The following ASTN2 variants were observed in gnomAD, a reference collection of about 807,000 sequenced individuals.
ASTN2 encodes astrotactin 2.
Under a neutral mutation model 139.8 loss-of-function variants are expected in ASTN2, and 54 were observed. The observed-to-expected ratio is 0.39, with a 90% CI of 0.31 to 0.48. ASTN2 has a LOEUF of 0.48. Among genes scored for constraint, ASTN2 ranks in the 20% least tolerant of loss-of-function variants. ASTN2 has a pLI of 0.95. For synonymous variants in ASTN2, 756 were observed against 719.5 expected, an observed-to-expected ratio of 1.05 and a Z score of -0.81; for missense variants, 1,565 against 1,725.1, an observed-to-expected ratio of 0.91 and a Z score of 1.64.
chr9:116,939,516 G>T (rs985455903), intron 10 of ASTN2, among the ~76,000 whole-genome samples: 24 of 152,158 alleles, frequency 1.6e-4, no homozygotes, highest in African/African-American at 5.8e-4. Context: ...GTCTACCAAA[G>T]GGCTCATCAC....
chr9:117,252,616 T>C (rs1032840453), intron 2 of ASTN2, among the ~76,000 whole-genome samples: 1 of 152,238 alleles, frequency 6.6e-6, no homozygotes, highest in Non-Finnish European at 1.5e-5. Context: ...TAGAGTGTTT[T>C]ATATTTGCCA....
Position 116,698,682 on chromosome 9 carries a change from T to C in ASTN2, c.2806+27089A>G. Reference sequence around the variant, plus strand: ...TTCCTGGGCCATGGAGGCCACAGCGTCTGCTGCCTCTACCTCTGTTACTTT... The same window carrying C: ...TTCCTGGGCCATGGAGGCCACAGCGCCTGCTGCCTCTACCTCTGTTACTTT... On this transcript the variant is annotated intron_variant, in intron 16 of 22. Coordinates refer to ENST00000313400, the MANE Select transcript of ASTN2 (RefSeq NM_001365068.1). The surrounding 1 kb of genome is among the most constrained non-coding windows in gnomAD (Gnocchi z 4.4). 1.2e-6 allele frequency: 2 copies of C among 1,614,182 alleles called. No individual in the cohort carries two copies. Among genetic ancestry groups the C allele is most frequent in the African/African-American group, 1.3e-5 (1 of 75,066 alleles).
chr9:117,234,083 G>A (rs1832974633), intron 2 of ASTN2, among the ~76,000 whole-genome samples: 1 of 152,142 alleles, frequency 6.6e-6, no homozygotes, highest in African/African-American at 2.4e-5. Context: ...GGAGTGTGTT[G>A]TATCCAAAAG....
At chr9:117,308,708 C>A (rs180823994) in intron 1 of ASTN2, among the ~76,000 whole-genome samples, 1,754 of 151,614 alleles carry the variant, frequency 0.012, 30 homozygotes, top group African/African-American at 0.04. Flanking sequence ...ACAGGATTGG[C>A]AAGAGGAGGA....
At chr9:117,393,131 T>C (rs1429386701) in intron 1 of ASTN2, among the ~76,000 whole-genome samples, 1 of 152,190 alleles carries the variant, frequency 6.6e-6, no homozygotes, top group Non-Finnish European at 1.5e-5. Context: ...CAGCCAAGAA[T>C]CTCACTTCTA....
rs775466834 is a variant in ASTN2, at chr9:116,725,967, C to T, written c.2627-17G>A. On this transcript the variant is annotated splice_polypyrimidine_tract_variant and intron_variant, in intron 15 of 22. Transcript: ENST00000313400. ...TAGTGAAGCCTGGACAAGAGAGGAGCATGTGGAGGTGGTCAGATGTGAGAG... is the reference window on the plus strand; with the variant it reads ...TAGTGAAGCCTGGACAAGAGAGGAGTATGTGGAGGTGGTCAGATGTGAGAG... 1 of 1,601,648 alleles carries T rather than the reference C, an allele frequency of 6.2e-7. No homozygotes were observed. Among genetic ancestry groups the T allele is most frequent in the East Asian group, 2.2e-5 (1 of 44,776 alleles).
chr9:117,200,690 C>T (rs1180137148), intron 3 of ASTN2, among the ~76,000 whole-genome samples: 1 of 152,242 alleles, frequency 6.6e-6, no homozygotes, highest in Admixed American at 6.5e-5. Context: ...GTTGAACCAT[C>T]CTTGCATCTC....
At chr9:116,555,615 G>A (rs898559685) in intron 19 of ASTN2, among the ~76,000 whole-genome samples, 3 of 151,606 alleles carry the variant, frequency 2.0e-5, no homozygotes, top group Non-Finnish European at 1.5e-5. Context: ...ATTGGATAGT[G>A]CTCTGAAGTC....
intron 11 of ASTN2, among the ~76,000 whole-genome samples, chr9:116,839,323 T>G (rs1366337682): frequency 6.6e-6 from 1 of 152,130 alleles, no homozygotes; most frequent in Non-Finnish European, 1.5e-5. Context: ...AATTTTATTT[T>G]TATTTTTATT....
chr9:117,287,254 G>A (rs1265454346), intron 2 of ASTN2, among the ~76,000 whole-genome samples: 1 of 152,120 alleles, frequency 6.6e-6, no homozygotes, highest in Non-Finnish European at 1.5e-5. Flanking sequence ...AATGATGAAG[G>A]TAACTTGGCC....
intron 13 of ASTN2, among the ~76,000 whole-genome samples, chr9:116,789,359 G>A (rs923162358): frequency 2.0e-5 from 3 of 152,196 alleles, no homozygotes; most frequent in Non-Finnish European, 4.4e-5. Context: ...CTGTAGCTTT[G>A]ACTCCTGGCT....
intron 12 of ASTN2, among the ~76,000 whole-genome samples, chr9:116,819,687 T>G (rs541672001): frequency 1.2e-4 from 18 of 152,326 alleles, no homozygotes; most frequent in African/African-American, 3.6e-4. Flanking sequence ...ACTTCTTCCA[T>G]GAGTACAAGA....
chr9:116,725,643 G>T, intron 16 of ASTN2, 128 bp downstream of exon 16: 1 of 894,984 alleles, frequency 1.1e-6, no homozygotes, highest in Non-Finnish European at 1.7e-6. Flanking sequence ...GCAGGGACTT[G>T]CCCATGGTCA....
chr9:117,307,827 G>C (rs1835041206), intron 1 of ASTN2, among the ~76,000 whole-genome samples: 1 of 152,122 alleles, frequency 6.6e-6, no homozygotes, highest in Non-Finnish European at 1.5e-5. Context: ...AATATCTCTG[G>C]ATCTTTCTTC....
intron 1 of ASTN2, among the ~76,000 whole-genome samples, chr9:117,410,261 G>T (rs1468857050): frequency 6.6e-6 from 1 of 152,172 alleles, no homozygotes; most frequent in African/African-American, 2.4e-5. Context: ...GGGCATGAAA[G>T]CTAAATCCAC....
At chr9:116,689,847 T>C (rs1221581798) in intron 16 of ASTN2, among the ~76,000 whole-genome samples, 1 of 152,098 alleles carries the variant, frequency 6.6e-6, no homozygotes, top group Admixed American at 6.6e-5. Context: ...TGCAACGGAC[T>C]ATAGGGTGAG....
intron 22 of ASTN2, among the ~76,000 whole-genome samples, chr9:116,427,409 A>G (rs1847342745): frequency 6.6e-6 from 1 of 152,244 alleles, no homozygotes; most frequent in African/African-American, 2.4e-5. Context: ...TGAGGCTTAG[A>G]GAAGGAATAG....
intron 3 of ASTN2, among the ~76,000 whole-genome samples, chr9:117,174,515 T>C (rs1830871492): frequency 6.6e-6 from 1 of 152,000 alleles, no homozygotes; most frequent in Admixed American, 6.6e-5. Context: ...AATAATTACA[T>C]ATACAAATAT....
chr9:116,895,385 GCA>G, intron 10 of ASTN2, among the ~76,000 whole-genome samples: 1 of 152,288 alleles, frequency 6.6e-6, no homozygotes, highest in African/African-American at 2.4e-5. Context: ...CTAGTCCCAA[GCA>G]TTTCAGATAA....
Sources: gnomAD v4.1 joint callset for allele counts (sites outside exome capture counted in the v4.1 genomes callset) on GRCh38, gnomAD v4.1.1 for gene constraint, Gnocchi (gnomAD v3.1) non-coding constraint, MANE v1.5 for transcripts, NCBI Gene and HGNC (gene_info 2026-07-23, HGNC 2026-07-21) for gene names.